SERINC2: variants seen among roughly 807,000 people sequenced by gnomAD.
SERINC2 encodes serine incorporator 2, also known as tumor differentially expressed protein 2.
SERINC2 carries 56 observed loss-of-function variants against 54.2 expected under a neutral mutation model. That is an observed-to-expected ratio of 1.03 (90% CI 0.83 to 1.29). The LOEUF is 1.29. Among genes scored for constraint, SERINC2 ranks in the 50% most tolerant of loss-of-function variants. SERINC2 has a pLI of 0.00. For missense variants in SERINC2, 614 were observed against 607.4 expected, an observed-to-expected ratio of 1.01 and a Z score of -0.12; for synonymous variants, 272 against 253.1, an observed-to-expected ratio of 1.07 and a Z score of -0.71.
chr1:31,432,452 A>T (rs1641332627), intron 8 of SERINC2, among the ~76,000 whole-genome samples: 1 of 152,094 alleles, frequency 6.6e-6, no homozygotes, highest in South Asian at 2.1e-4. Flanking sequence ...GCATGAAGGA[A>T]AGGGAGGCCA....
chr1:31,432,195 A>G (rs373148352), intron 8 of SERINC2, among the ~76,000 whole-genome samples: 796 of 24,766 alleles, frequency 0.032, 18 homozygotes, highest in African/African-American at 0.036. Flanking sequence ...GGGTGGTTAG[A>G]GTGGAGAGAG....
chr1:31,427,130 C>T (rs782722437), intron 6 of SERINC2, among the ~76,000 whole-genome samples: 4 of 152,186 alleles, frequency 2.6e-5, no homozygotes, highest in Non-Finnish European at 4.4e-5. Flanking sequence ...GTAGATATCT[C>T]TCAGACATTA....
rs372809063 is a variant in SERINC2 at position 31,429,218 on chromosome 1, G to A, written c.871+150G>A. 917 of 1,002,750 alleles carry A rather than the reference G, an allele frequency of 9.1e-4. 5 individuals are homozygous for A. In the African/African-American group the frequency reaches 0.013, roughly 14 times the overall value. 62.1% of individuals were successfully genotyped at this position (1,002,750 alleles called of 1,614,324 possible). ...TCCTCCCATGAGATGGGAGGGCCCC[G>A]TCTGTTCCTGAGTTGTCTCTCTGCC... On this transcript the variant is annotated intron_variant, in intron 7 of 9. Coordinates refer to ENST00000373709, the MANE Select transcript of SERINC2 (RefSeq NM_178865.5).
chr1:31,414,581 T>A, intron 1 of SERINC2: 1 of 986,046 alleles, frequency 1.0e-6, no homozygotes, highest in Non-Finnish European at 1.2e-6. Context: ...GCCTCTCGCC[T>A]CATTAGGCCT....
At chr1:31,433,495 G>A (rs1272099762) in intron 9 of SERINC2, among the ~76,000 whole-genome samples, 1 of 152,160 alleles carries the variant, frequency 6.6e-6, no homozygotes, top group Non-Finnish European at 1.5e-5. Flanking sequence ...GGGCTTCATG[G>A]TTGGAGGGTT....
intron 6 of SERINC2, 76 bp downstream of exon 6, chr1:31,426,899 T>A: frequency 7.2e-7 from 1 of 1,390,606 alleles, no homozygotes; most frequent in South Asian, 1.3e-5. Context: ...ACCTGGGTCC[T>A]GGGGCTAGGG....
At chr1:31,430,196 T>C (rs1553134261) in intron 8 of SERINC2, among the ~76,000 whole-genome samples, 1 of 152,086 alleles carries the variant, frequency 6.6e-6, no homozygotes, top group Admixed American at 6.5e-5. Flanking sequence ...TGAAGGGCTA[T>C]AGATGAATCA....
chr1:31,413,075 C>T (rs555416854), upstream of SERINC2: 15 of 924,192 alleles, frequency 1.6e-5, no homozygotes, highest in Admixed American at 5.4e-4. The surrounding 1 kb of genome is among the most constrained non-coding windows in gnomAD (Gnocchi z 5.0). Flanking sequence ...TCCCTAGGGT[C>T]CCTCCTGGCG....
upstream of SERINC2, chr1:31,410,211 G>T: frequency 6.9e-7 from 1 of 1,441,634 alleles, no homozygotes; most frequent in Non-Finnish European, 9.1e-7. Context: ...GTGCTTTTGG[G>T]GGTGCAAGAG....
intron 8 of SERINC2, among the ~76,000 whole-genome samples, chr1:31,430,759 T>C (rs1401109220): frequency 2.6e-5 from 4 of 152,194 alleles, no homozygotes; most frequent in Admixed American, 2.6e-4. Context: ...TTAGGTTTAA[T>C]TATTGTTTAC....
intron 1 of SERINC2, among the ~76,000 whole-genome samples, chr1:31,417,852 CTTTTTTTTTTTT>C (rs3050463): frequency 1.0e-5 from 1 of 95,732 alleles, no homozygotes; most frequent in Non-Finnish European, 1.9e-5. Flanking sequence ...AAATTTCATT[CTTTTTTTTTTTT>C]TTTTTTTTTT....
intron 8 of SERINC2, among the ~76,000 whole-genome samples, chr1:31,430,705 A>G: frequency 6.6e-6 from 1 of 152,190 alleles, no homozygotes; most frequent in Non-Finnish European, 1.5e-5. Flanking sequence ...ACAACTAGGT[A>G]GCTGTAGGTG....
intron 1 of SERINC2, among the ~76,000 whole-genome samples, chr1:31,421,120 G>C (rs534803370): frequency 6.6e-6 from 1 of 152,366 alleles, no homozygotes; most frequent in South Asian, 2.1e-4. Context: ...TGTCAGATCA[G>C]TGGCAGCATT....
chr1:31,411,764 A>G (rs1640652104), upstream of SERINC2, among the ~76,000 whole-genome samples: 1 of 152,060 alleles, frequency 6.6e-6, no homozygotes, highest in African/African-American at 2.4e-5. Flanking sequence ...TTGGGAGGCC[A>G]AGGCAGGAGG....
intron 8 of SERINC2, 121 bp downstream of exon 8, chr1:31,429,659 G>A: frequency 8.9e-7 from 1 of 1,129,282 alleles, no homozygotes; most frequent in South Asian, 1.6e-5. Flanking sequence ...AATATATCCA[G>A]GTCTTGCATT....
At chr1:31,422,382 C>A (rs752748839) in intron 1 of SERINC2, among the ~76,000 whole-genome samples, 1 of 152,060 alleles carries the variant, frequency 6.6e-6, no homozygotes, top group Non-Finnish European at 1.5e-5. Flanking sequence ...CCAGGCTATT[C>A]TCTAACTCCT....
At chr1:31,429,605 G>A in intron 8 of SERINC2, 67 bp downstream of exon 8, 1 of 1,505,490 alleles carries the variant, frequency 6.6e-7, no homozygotes. Context: ...TGAGGGGAGG[G>A]TGTGGGAGCC....
At chr1:31,425,495 G>C (rs1238755363) in intron 4 of SERINC2, 86 bp downstream of exon 4, 17 of 1,055,716 alleles carry the variant, frequency 1.6e-5, no homozygotes, top group Non-Finnish European at 2.4e-5. Context: ...GCTGCTCTTT[G>C]CTGGGGCACA....
chr1:31,423,930 G>A (rs990701820), intron 2 of SERINC2, 76 bp downstream of exon 2: 43 of 1,401,158 alleles, frequency 3.1e-5, no homozygotes, highest in Non-Finnish European at 4.3e-5. Flanking sequence ...CCCAGGCTTG[G>A]GGTCACAGCT....
Sources: gnomAD v4.1 joint callset for allele counts (sites outside exome capture counted in the v4.1 genomes callset) on GRCh38, gnomAD v4.1.1 for gene constraint, Gnocchi (gnomAD v3.1) non-coding constraint, MANE v1.5 for transcripts, NCBI Gene and HGNC (gene_info 2026-07-23, HGNC 2026-07-21) for gene names.